CNGB3: variants seen among roughly 807,000 people sequenced by gnomAD.
CNGB3 encodes cyclic nucleotide gated channel subunit beta 3.
In CNGB3, 86 loss-of-function variants were observed where a neutral mutation model predicts 92.8. The observed-to-expected ratio is 0.93, with a 90% CI of 0.78 to 1.11. CNGB3 has a LOEUF of 1.11. Ranked by LOEUF, CNGB3 falls within the 50% of genes least tolerant of loss-of-function variation. CNGB3 has a pLI of 0.00. For synonymous variants in CNGB3, 333 were observed against 332.7 expected, an observed-to-expected ratio of 1.00 and a Z score of -0.01; for missense variants, 1,026 against 956.8, an observed-to-expected ratio of 1.07 and a Z score of -0.95.
chr8:86,675,717 A>G (rs887381483), intron 3 of CNGB3, among the ~76,000 whole-genome samples: 5 of 152,220 alleles, frequency 3.3e-5, no homozygotes, highest in African/African-American at 1.2e-4. Flanking sequence ...TTTTATTTAT[A>G]TATCTCTATG....
intron 6 of CNGB3, chr8:86,659,296 G>A: frequency 9.6e-7 from 1 of 1,045,178 alleles, no homozygotes; most frequent in African/African-American, 1.6e-5. Flanking sequence ...ACCTGCCCCA[G>A]GTGTGCTTCC....
At chr8:86,593,754 T>G (rs1209851424) in intron 15 of CNGB3, 1 of 1,267,572 alleles carries the variant, frequency 7.9e-7, no homozygotes, top group African/African-American at 1.5e-5. Context: ...CGTCACCAGC[T>G]CAGGATGCCA....
At chr8:86,601,805 G>C (rs925113935) in intron 15 of CNGB3, among the ~76,000 whole-genome samples, 2 of 152,138 alleles carry the variant, frequency 1.3e-5, no homozygotes, top group Non-Finnish European at 2.9e-5. Flanking sequence ...AAGGCAAAAA[G>C]CTCCCTTTTA....
At chr8:86,669,459 G>T (rs1410125967) in intron 4 of CNGB3, among the ~76,000 whole-genome samples, 2 of 152,190 alleles carry the variant, frequency 1.3e-5, no homozygotes, top group Non-Finnish European at 2.9e-5. Context: ...ATACAAGCTT[G>T]ATTTTCACAT....
chr8:86,601,252 A>G (rs1261812209), intron 15 of CNGB3, among the ~76,000 whole-genome samples: 1 of 152,226 alleles, frequency 6.6e-6, no homozygotes, highest in Non-Finnish European at 1.5e-5. Context: ...CAGAATGCAG[A>G]CAGGAAGTGG....
intron 17 of CNGB3, 102 bp from the exon 18 acceptor site, chr8:86,576,232 A>G (rs1263372550): frequency 8.2e-7 from 1 of 1,221,984 alleles, no homozygotes; most frequent in South Asian, 1.3e-5. Flanking sequence ...ACCAAGACAG[A>G]CTGTCTGAAT....
intron 13 of CNGB3, among the ~76,000 whole-genome samples, chr8:86,621,995 G>A (rs528471534): frequency 6.6e-6 from 1 of 152,266 alleles, no homozygotes; most frequent in African/African-American, 2.4e-5. Context: ...GCAGTGAGCC[G>A]AGATTGTGCC....
intron 15 of CNGB3, among the ~76,000 whole-genome samples, chr8:86,589,466 G>A (rs1236749077): frequency 6.6e-6 from 1 of 151,544 alleles, no homozygotes; most frequent in Non-Finnish European, 1.5e-5. Context: ...GCTTTCTCTT[G>A]CGGGCATTTA....
At chr8:86,694,081 C>CCG (rs1563757109) in intron 3 of CNGB3, among the ~76,000 whole-genome samples, 4 of 62,606 alleles carry the variant, frequency 6.4e-5, no homozygotes, top group African/African-American at 1.9e-4. Flanking sequence ...GGGGGGCTGA[C>CCG]CCCCCCACCT....
intron 3 of CNGB3, among the ~76,000 whole-genome samples, chr8:86,683,216 T>C (rs1241719522): frequency 6.6e-6 from 1 of 151,928 alleles, no homozygotes; most frequent in Non-Finnish European, 1.5e-5. Context: ...TAAAGGAGAG[T>C]GCAGTGCATA....
chr8:86,584,196 T>A (rs6988240), intron 15 of CNGB3, among the ~76,000 whole-genome samples: 5,991 of 152,262 alleles, frequency 0.039, 338 homozygotes, highest in African/African-American at 0.13. Context: ...ATTCATCTAC[T>A]CAGCTTTCTT....
intron 3 of CNGB3, among the ~76,000 whole-genome samples, chr8:86,684,656 C>CAAAAAA (rs34942527): frequency 8.2e-6 from 1 of 122,582 alleles, no homozygotes; most frequent in Non-Finnish European, 1.8e-5. Flanking sequence ...ATACTTAAGC[C>CAAAAAA]AAAAAAAAAA....
chr8:86,668,241 T>A, intron 4 of CNGB3, 73 bp from the exon 5 acceptor site: 1 of 1,403,436 alleles, frequency 7.1e-7, no homozygotes, highest in African/African-American at 1.5e-5. Flanking sequence ...TTGAATTTCT[T>A]AACCAAACAC....
intron 3 of CNGB3, among the ~76,000 whole-genome samples, chr8:86,709,311 C>A (rs1824707986): frequency 6.6e-6 from 1 of 152,112 alleles, no homozygotes; most frequent in African/African-American, 2.4e-5. Context: ...TCTAATTGTA[C>A]CTATTTTGTC....
At position 86,574,436 on chromosome 8, in the gene CNGB3, A is replaced by G. The variant is rs886063155; in HGVS notation, c.*1368T>C. 1 of 152,180 alleles carries G rather than the reference A, an allele frequency of 6.6e-6. No individual in the cohort carries two copies. The highest frequency in any genetic ancestry group is 1.5e-5 in the Non-Finnish European group (1 of 68,030). The allele number at this position is 152,180 out of a possible 1,614,324, so 9.4% of individuals were successfully genotyped here. A position where few individuals can be genotyped will look rare whatever the true frequency, so the allele number is the denominator to read the frequency against. The stretch of plus-strand genomic sequence containing the variant: ...ATTCCCTTAAATCCTGAAAAAACCA[A>G]CCATCCTTTAGTAAAACTTGTTATA... On this transcript the variant is annotated 3_prime_UTR_variant, in exon 18 of 18. Coordinates refer to ENST00000320005, the MANE Select transcript of CNGB3 (RefSeq NM_019098.5).
intron 3 of CNGB3, among the ~76,000 whole-genome samples, chr8:86,679,769 G>T (rs568163373): frequency 2.0e-5 from 3 of 152,024 alleles, no homozygotes; most frequent in Non-Finnish European, 2.9e-5. Flanking sequence ...CAGGTGATCC[G>T]CCCACCTTGG....
Position 86,702,348 on chromosome 8 carries a change from T to C in CNGB3, c.338+24183A>G, listed in dbSNP as rs73690211. Among the ~76,000 whole-genome samples, 1,066 of 152,318 alleles carry C rather than the reference T, an allele frequency of 7.0e-3. 18 individuals carry two copies. The highest frequency in any genetic ancestry group is 0.024 in the African/African-American group (1,012 of 41,568). Reference sequence around the variant, plus strand: ...CTGTATTGTTCTATCATTGGGCATTTAAGATGAATACACATTTTATATTAT... The same window carrying C: ...CTGTATTGTTCTATCATTGGGCATTCAAGATGAATACACATTTTATATTAT... On this transcript the variant is annotated intron_variant, in intron 3 of 17. Transcript: ENST00000320005.
rs761623740 is a variant in CNGB3, at chr8:86,628,982, T to C, written c.1417A>G (p.Lys473Glu). ...GTCCGAACTCGCTTTTGCACAAGTT[T>C]AGGAATGGAGTAATTGTTCATGTAG... The part of the protein sequence containing the change: ...IAYMNNYSIP[K>E]LVQKRVRTWY... The change falls in exon 12 of 18, where the codon AAA becomes GAA. Residue 473 changes from lysine (K) to glutamate (E), a missense_variant. Coordinates refer to ENST00000320005, the MANE Select transcript of CNGB3 (RefSeq NM_019098.5). The C allele has an allele frequency of 1.2e-6, 2 of 1,614,000 alleles. No individual in the cohort carries two copies. Among genetic ancestry groups the C allele is most frequent in the Non-Finnish European group, 1.7e-6 (2 of 1,179,938 alleles).
At chr8:86,602,542 G>C (rs1195337384) in intron 15 of CNGB3, among the ~76,000 whole-genome samples, 2 of 152,158 alleles carry the variant, frequency 1.3e-5, no homozygotes, top group Non-Finnish European at 2.9e-5. Context: ...TTTGAATGTT[G>C]TCCCTATAAT....
Sources: gnomAD v4.1 joint callset for allele counts (sites outside exome capture counted in the v4.1 genomes callset) on GRCh38, gnomAD v4.1.1 for gene constraint, MANE v1.5 for transcripts, NCBI Gene and HGNC (gene_info 2026-07-23, HGNC 2026-07-21) for gene names.